The following DPYD variants were observed in gnomAD, a reference collection of about 807,000 sequenced individuals.
The protein encoded by DPYD is dihydropyrimidine dehydrogenase [NADP(+)].
In DPYD, 109 loss-of-function variants were observed where a neutral mutation model predicts 116.2. The observed-to-expected ratio is 0.94, with a 90% CI of 0.80 to 1.10. The LOEUF (loss-of-function observed/expected upper bound fraction) is 1.10. Ranked by LOEUF, DPYD falls within the 50% of genes least tolerant of loss-of-function variation. The pLI is 0.00. For missense variants in DPYD, 1,302 were observed against 1,254.5 expected (o/e 1.04, Z -0.57); for synonymous variants, 440 against 432.0 (o/e 1.02, Z -0.23).
chr1:97,203,941 A>G (rs1659425753), intron 19 of DPYD, among the ~76,000 whole-genome samples: 1 of 152,104 alleles, frequency 6.6e-6, no homozygotes, highest in Non-Finnish European at 1.5e-5. Context: ...ATAATTGATA[A>G]AAACACAAAT....
Position 97,918,170 on chromosome 1 carries a change from C to T in DPYD, c.39+2714G>A, listed in dbSNP as rs117057053. ...TAATCATTTCATTGGAAGTGATTTT[C>T]CTGAGAATAAGATATATTTTTCTGT... is the stretch of plus-strand genomic sequence containing the variant. On this transcript the variant is annotated intron_variant, in intron 1 of 22. Coordinates refer to ENST00000370192, the MANE Select transcript of DPYD (RefSeq NM_000110.4). Among the ~76,000 whole-genome samples the T allele has an allele frequency of 2.0e-3, 311 of 152,234 alleles. 9 individuals carry two copies. The East Asian group carries it at 0.053, about 26-fold the overall frequency.
At chr1:97,790,649 G>T (rs1667273473) in intron 3 of DPYD, among the ~76,000 whole-genome samples, 1 of 152,092 alleles carries the variant, frequency 6.6e-6, no homozygotes, top group African/African-American at 2.4e-5. Flanking sequence ...TATTTTCTGT[G>T]TTCTCACCAT....
At chr1:97,654,300 T>C (rs373515563) in intron 8 of DPYD, among the ~76,000 whole-genome samples, 2 of 152,302 alleles carry the variant, frequency 1.3e-5, no homozygotes, top group African/African-American at 2.4e-5. Flanking sequence ...TAGAAATCAA[T>C]ATCTGATGAA....
chr1:97,593,416 C>T (rs983299666), intron 9 of DPYD, 29 bp from the exon 10 acceptor site: 1 of 1,612,764 alleles, frequency 6.2e-7, no homozygotes, highest in African/African-American at 1.3e-5. Context: ...ACCCCATTTT[C>T]AAGTAGAGAA....
At chr1:97,127,482 T>C (rs574931532) in intron 20 of DPYD, among the ~76,000 whole-genome samples, 8 of 152,300 alleles carry the variant, frequency 5.3e-5, no homozygotes, top group African/African-American at 7.2e-5. Context: ...CCTTTTTCTA[T>C]GAAGCTACAG....
intron 12 of DPYD, among the ~76,000 whole-genome samples, chr1:97,525,791 T>A (rs7539477): frequency 0.17 from 12,471 of 72,326 alleles, 716 homozygotes; most frequent in South Asian, 0.19. Context: ...AGAGAGAGAG[T>A]GTGTGTGTGT....
intron 6 of DPYD, among the ~76,000 whole-genome samples, chr1:97,697,924 T>G (rs78585234): frequency 0.011 from 1,738 of 152,108 alleles, 29 homozygotes; most frequent in African/African-American, 0.04. Flanking sequence ...TAAGTTCATA[T>G]TTTAAAAATT....
At chr1:97,108,311 C>T (rs910890506) in intron 20 of DPYD, among the ~76,000 whole-genome samples, 1 of 152,092 alleles carries the variant, frequency 6.6e-6, no homozygotes, top group Non-Finnish European at 1.5e-5. Flanking sequence ...AGTTTTCTCA[C>T]CGGTAACATG....
intron 2 of DPYD, among the ~76,000 whole-genome samples, chr1:97,871,547 A>C (rs764145877): frequency 6.6e-5 from 10 of 151,378 alleles, no homozygotes; most frequent in Non-Finnish European, 1.3e-4. Flanking sequence ...TCCAAGACCA[A>C]GGCATCATGT....
At chr1:97,260,937 T>C (rs1663833387) in intron 18 of DPYD, among the ~76,000 whole-genome samples, 1 of 152,148 alleles carries the variant, frequency 6.6e-6, no homozygotes, top group South Asian at 2.1e-4. Context: ...CAAAATCAGA[T>C]AAATGGACCA....
At chr1:97,760,571 C>T (rs1665519523) in intron 3 of DPYD, among the ~76,000 whole-genome samples, 1 of 152,022 alleles carries the variant, frequency 6.6e-6, no homozygotes, top group Non-Finnish European at 1.5e-5. Context: ...GTGTAAGTTA[C>T]ACCCAACTAT....
At chr1:97,490,367 TCATATATATTATTAA>T (rs1678901966) in intron 13 of DPYD, among the ~76,000 whole-genome samples, 2 of 147,082 alleles carry the variant, frequency 1.4e-5, no homozygotes, top group South Asian at 4.2e-4. Context: ...TATTATATTA[TCATATATATTATTAA>T]CATATATATT....
intron 18 of DPYD, among the ~76,000 whole-genome samples, chr1:97,287,078 T>A (rs1053064911): frequency 1.3e-5 from 2 of 152,166 alleles, no homozygotes; most frequent in Non-Finnish European, 2.9e-5. Context: ...TGGTCTTTGA[T>A]GATGGTGATG....
In DPYD at chr1:97,156,075, C is replaced by A. The variant is rs1012746217; in HGVS notation, c.2622+36994G>T. 2.6e-5 allele frequency among the ~76,000 whole-genome samples: 4 copies of A among 152,120 alleles called. No individual in the cohort carries two copies. The South Asian group carries it at 8.3e-4, about 32-fold the overall frequency. ...TTGATCTAGATAATTCCAGTTGGTA[C>A]AAATAAATAACTTGATTGATTTCAA... is the stretch of plus-strand genomic sequence containing the variant. On this transcript the variant is annotated intron_variant, in intron 20 of 22. Transcript: ENST00000370192.
intron 20 of DPYD, among the ~76,000 whole-genome samples, chr1:97,148,589 C>T (rs1399268294): frequency 1.3e-5 from 2 of 152,002 alleles, no homozygotes; most frequent in African/African-American, 4.8e-5. Flanking sequence ...TAATATTTAT[C>T]TTCTAAATGG....
chr1:97,825,434 AGTTACTCCTGGCTAG>A (rs1441298921), intron 3 of DPYD, among the ~76,000 whole-genome samples: 1 of 152,094 alleles, frequency 6.6e-6, no homozygotes, highest in Non-Finnish European at 1.5e-5. Context: ...ACTCTGTTCC[AGTTACTCCTGGCTAG>A]ACACACTCAG....
chr1:97,364,986 C>G (rs1014580049), intron 16 of DPYD, among the ~76,000 whole-genome samples: 3 of 152,094 alleles, frequency 2.0e-5, no homozygotes, highest in African/African-American at 7.2e-5. Context: ...GTACAAATTT[C>G]TCTTTGCGGT....
chr1:97,098,270 C>T (rs1650409614), intron 21 of DPYD, among the ~76,000 whole-genome samples: 1 of 152,026 alleles, frequency 6.6e-6, no homozygotes, highest in Non-Finnish European at 1.5e-5. Flanking sequence ...CCATGACATG[C>T]ATGCTTGCCA....
At chr1:97,570,465 A>G (rs1652818027) in intron 11 of DPYD, among the ~76,000 whole-genome samples, 1 of 151,986 alleles carries the variant, frequency 6.6e-6, no homozygotes, top group Admixed American at 6.6e-5. Flanking sequence ...ATAATTCAAC[A>G]GGGAACAGAA....
Sources: gnomAD v4.1 joint callset for allele counts (sites outside exome capture counted in the v4.1 genomes callset) on GRCh38, gnomAD v4.1.1 for gene constraint, MANE v1.5 for transcripts, NCBI Gene and HGNC (gene_info 2026-07-23, HGNC 2026-07-21) for gene names.